The following RNF168 variants were observed in gnomAD, a reference collection of about 807,000 sequenced individuals.
RNF168 encodes the protein ring finger protein 168.
Under a neutral mutation model 34.9 loss-of-function variants are expected in RNF168, and 34 were observed. That is an observed-to-expected ratio of 0.97 (90% CI 0.74 to 1.30). The LOEUF is 1.30. Ranked by LOEUF, RNF168 falls within the 50% of genes most tolerant of loss-of-function variation. RNF168 has a pLI of 0.00. For missense variants in RNF168, 725 were observed against 682.5 expected (o/e 1.06, Z -0.69); for synonymous variants, 264 against 254.7 (o/e 1.04, Z -0.35).
At chr3:196,502,552 C>T (rs1239940314) in intron 1 of RNF168, among the ~76,000 whole-genome samples, 1 of 151,438 alleles carries the variant, frequency 6.6e-6, no homozygotes, top group Non-Finnish European at 1.5e-5. Context: ...CGCGCCACTG[C>T]ACTCCAGCCT....
rs1223598301 is a variant in RNF168 at position 196,470,159 on chromosome 3, C to G, written c.*1660G>C. ...CCAGACTGTCAGTCACCCCATCCAG[C>G]CTCATCCTCATCTGGACCCATTTCT... On this transcript the variant is annotated 3_prime_UTR_variant, in exon 6 of 6. Coordinates refer to ENST00000318037, the MANE Select transcript of RNF168 (RefSeq NM_152617.4). 6.6e-6 allele frequency: 1 copy of G among 152,116 alleles called. No homozygotes were observed. The highest frequency in any genetic ancestry group is 1.5e-5 in the Non-Finnish European group (1 of 68,288). 9.4% of individuals were successfully genotyped at this position (152,116 alleles called of 1,614,324 possible).
chr3:196,478,042 C>A (rs1732187921), intron 4 of RNF168, among the ~76,000 whole-genome samples: 1 of 152,200 alleles, frequency 6.6e-6, no homozygotes, highest in Admixed American at 6.5e-5. Flanking sequence ...TATTTTCTTG[C>A]CACTGTGGCC....
intron 1 of RNF168, among the ~76,000 whole-genome samples, chr3:196,496,056 A>T (rs1030536535): frequency 1.3e-5 from 2 of 152,246 alleles, no homozygotes; most frequent in South Asian, 2.1e-4. Flanking sequence ...TGTGTTAACA[A>T]AGTTAACACA....
Position 196,503,264 on chromosome 3 carries a change from T to C in RNF168, c.-91A>G. ...AACCACAGAGAGAGCAAAAGCAGTT[T>C]TGTGTTTCAGTATTATGCCCAGAAG... On this transcript the variant is annotated 5_prime_UTR_variant, in exon 1 of 6. Transcript: ENST00000318037. 1 of 1,161,420 alleles carries C rather than the reference T, an allele frequency of 8.6e-7. No individual in the cohort carries two copies. The highest frequency in any genetic ancestry group is 2.4e-5 in the East Asian group (1 of 41,076). 71.9% of individuals were successfully genotyped at this position (1,161,420 alleles called of 1,614,324 possible). A position where few individuals can be genotyped will look rare whatever the true frequency, so the allele number is the denominator to read the frequency against.
rs758572139 is a variant in RNF168, at chr3:196,487,523, T to C, written c.434A>G (p.Tyr145Cys). Residue 145 changes from tyrosine to cysteine, a missense_variant, in exon 3 of 6, where the codon TAC becomes TGC. Tyr to Cys is a radical substitution (Grantham distance 194, BLOSUM62 -2). Transcript: ENST00000318037. ...EEEENKASEE[Y>C]IQRLLAEEEE... ...CTCCTCTGCCAACAACCTCTGTATG[T>C]ATTCTTCACTGGCTTTGTTTTCTTC... The C allele has an allele frequency of 1.2e-5, 19 of 1,614,090 alleles. No individual in the cohort carries two copies. The highest frequency in any genetic ancestry group is 3.3e-4 in the Middle Eastern group (2 of 6,084).
In RNF168 at chr3:196,475,221, A is replaced by G; in HGVS notation, c.762+10T>C. 2 of 1,495,398 alleles carry G rather than the reference A, an allele frequency of 1.3e-6. No individual in the cohort carries two copies. Among genetic ancestry groups the G allele is most frequent in the African/African-American group, 1.4e-5 (1 of 72,804 alleles). The allele number at this position is 1,495,398 out of a possible 1,614,324, so 92.6% of individuals were successfully genotyped here. On this transcript the variant is annotated intron_variant, in intron 5 of 5. Transcript: ENST00000318037. ...CAGCAAAACTCAGAACATCTTCAGT[A>G]TCAACATACCTTAGATACGGAGTCT... is the stretch of plus-strand genomic sequence containing the variant.
Position 196,468,840 on chromosome 3 carries a change from C to A in RNF168, c.*2979G>T, listed in dbSNP as rs546600513. The A allele has an allele frequency of 1.3e-5, 2 of 152,138 alleles. No homozygotes were observed. Among genetic ancestry groups the A allele is most frequent in the Admixed American group, 1.3e-4 (2 of 15,270 alleles). The allele number at this position is 152,138 out of a possible 1,614,324, so 9.4% of individuals were successfully genotyped here. A position where few individuals can be genotyped will look rare whatever the true frequency, so the allele number is the denominator to read the frequency against. On this transcript the variant is annotated 3_prime_UTR_variant, in exon 6 of 6. Transcript: ENST00000318037. ...TCAGCCTCTGCACAGCCTTAGTACTCCCTGAGAAATTCAGTGTTTGCATAT... is the reference window on the plus strand; with the variant it reads ...TCAGCCTCTGCACAGCCTTAGTACTACCTGAGAAATTCAGTGTTTGCATAT...
chr3:196,497,491 G>A (rs749637768), intron 1 of RNF168, among the ~76,000 whole-genome samples: 1 of 151,892 alleles, frequency 6.6e-6, no homozygotes, highest in Non-Finnish European at 1.5e-5. Flanking sequence ...CCAACATGGT[G>A]AAGCCCCATC....
rs1172722699 is a variant in RNF168, at chr3:196,469,745, C to T, written c.*2074G>A. 3 of 152,096 alleles carry T rather than the reference C, an allele frequency of 2.0e-5. No homozygotes were observed. Among genetic ancestry groups the T allele is most frequent in the African/African-American group, 7.2e-5 (3 of 41,418 alleles). 9.4% of individuals were successfully genotyped at this position (152,096 alleles called of 1,614,324 possible). A position where few individuals can be genotyped will look rare whatever the true frequency, so the allele number is the denominator to read the frequency against. Reference sequence around the variant, plus strand: ...TACTTTCTATTTCTGTTCATAAACTCAAATAAAAGCAGTATCAACACAAAT... The same window carrying T: ...TACTTTCTATTTCTGTTCATAAACTTAAATAAAAGCAGTATCAACACAAAT... On this transcript the variant is annotated 3_prime_UTR_variant, in exon 6 of 6. Transcript: ENST00000318037.
intron 1 of RNF168, among the ~76,000 whole-genome samples, chr3:196,488,905 G>A (rs866031128): frequency 6.6e-6 from 1 of 152,020 alleles, no homozygotes; most frequent in African/African-American, 2.4e-5. Context: ...AGGCTGGAGT[G>A]CAGTGGCACA....
rs1032129639 is a variant in RNF168, at chr3:196,503,627, A to G, written c.-454T>C. The G allele has an allele frequency of 4.5e-6, 1 of 223,070 alleles. No individual in the cohort carries two copies. Among genetic ancestry groups the G allele is most frequent in the African/African-American group, 2.3e-5 (1 of 42,738 alleles). 13.8% of individuals were successfully genotyped at this position (223,070 alleles called of 1,614,324 possible). ...CCGGCTGCAGCATAACTTCCGCTTT[A>G]CCGCTGCTGCGGGGGAGACGCGCGA... On this transcript the variant is annotated 5_prime_UTR_variant, in exon 1 of 6. Coordinates refer to ENST00000318037, the MANE Select transcript of RNF168 (RefSeq NM_152617.4).
chr3:196,494,700 T>C (rs990381740), intron 1 of RNF168, among the ~76,000 whole-genome samples: 2 of 152,160 alleles, frequency 1.3e-5, no homozygotes, highest in Non-Finnish European at 2.9e-5. Flanking sequence ...TGTACATCAG[T>C]GTGGCTGGAT....
intron 1 of RNF168, among the ~76,000 whole-genome samples, chr3:196,500,912 C>T (rs1479512149): frequency 6.6e-6 from 1 of 151,870 alleles, no homozygotes; most frequent in Non-Finnish European, 1.5e-5. Flanking sequence ...GGGGTTTCAC[C>T]GTGTTAGCCA....
At chr3:196,473,402 T>C (rs1357665870) in intron 5 of RNF168, among the ~76,000 whole-genome samples, 3 of 152,216 alleles carry the variant, frequency 2.0e-5, no homozygotes, top group Non-Finnish European at 4.4e-5. Context: ...TGTGCATCTA[T>C]AATACAGTAA....
intron 4 of RNF168, among the ~76,000 whole-genome samples, chr3:196,478,958 C>T (rs922117500): frequency 6.7e-6 from 1 of 149,866 alleles, no homozygotes; most frequent in African/African-American, 2.5e-5. Context: ...CCACCCACCT[C>T]GGCTTCCCAA....
At chr3:196,474,597 G>A (rs886828668) in intron 5 of RNF168, among the ~76,000 whole-genome samples, 8 of 151,898 alleles carry the variant, frequency 5.3e-5, no homozygotes, top group South Asian at 2.1e-4. Context: ...ACAGGCATGC[G>A]CCACCACACC....
chr3:196,494,561 T>C (rs2108653190), intron 1 of RNF168, among the ~76,000 whole-genome samples: 1 of 152,304 alleles, frequency 6.6e-6, no homozygotes, highest in South Asian at 2.1e-4. Flanking sequence ...TCCATGTAAA[T>C]GGCAGTTTCC....
chr3:196,477,761 C>G lies in RNF168; in HGVS notation c.681-2449G>C, dbSNP rs563364468. On this transcript the variant is annotated intron_variant, in intron 4 of 5. Transcript: ENST00000318037. ...TTGGATATTCCTTATTTATAATAAC[C>G]AAGTAATATATGAATACATGCTCAT... is the stretch of plus-strand genomic sequence containing the variant. Among the ~76,000 whole-genome samples the G allele has an allele frequency of 3.3e-5, 5 of 152,120 alleles. No individual in the cohort carries two copies. In the East Asian group the frequency reaches 9.6e-4, roughly 29 times the overall value.
Position 196,484,317 on chromosome 3 carries a change from G to A in RNF168, c.559-426C>T, listed in dbSNP as rs182155257. ...CTCCTGAGTAGCTGGGACTACCGGC[G>A]CCCTCCACCATGCCCGGCTAATTTT... On this transcript the variant is annotated intron_variant, in intron 3 of 5. Transcript: ENST00000318037. 2.9e-3 allele frequency among the ~76,000 whole-genome samples: 437 copies of A among 151,102 alleles called. 1 individual carries two copies. Among genetic ancestry groups the A allele is most frequent in the Non-Finnish European group, 3.9e-3 (266 of 67,818 alleles).
Sources: gnomAD v4.1 joint callset for allele counts (sites outside exome capture counted in the v4.1 genomes callset) on GRCh38, gnomAD v4.1.1 for gene constraint, MANE v1.5 for transcripts, NCBI Gene and HGNC (gene_info 2026-07-23, HGNC 2026-07-21) for gene names.